Variants in RGS7 observed in about 807,000 individuals in gnomAD.
RGS7 encodes the protein regulator of G protein signaling 7, also known as regulator of G-protein signaling 7.
A neutral mutation model predicts 81.1 loss-of-function variants in RGS7; 27 were observed. That is an observed-to-expected ratio of 0.33 (90% CI 0.25 to 0.46). RGS7 has a LOEUF of 0.46. RGS7 is among the 20% of genes least tolerant of loss of function. RGS7 has a pLI of 1.00. For synonymous variants in RGS7, 208 were observed against 207.7 expected, an observed-to-expected ratio of 1.00 and a Z score of -0.01; for missense variants, 396 against 607.4, an observed-to-expected ratio of 0.65 and a Z score of 3.66.
chr1:241,183,581 T>G (rs2071824944), intron 2 of RGS7, among the ~76,000 whole-genome samples: 1 of 152,190 alleles, frequency 6.6e-6, no homozygotes, highest in African/African-American at 2.4e-5. Flanking sequence ...AAGTCTCCTG[T>G]GCGGAAAAGT....
chr1:240,802,846 C>G, intron 16 of RGS7, 58 bp downstream of exon 16: 1 of 1,111,294 alleles, frequency 9.0e-7, no homozygotes, highest in Non-Finnish European at 1.4e-6. Context: ...GGTAATTACT[C>G]CAAATAATTA....
chr1:241,055,655 C>T (rs192692133), intron 3 of RGS7, among the ~76,000 whole-genome samples: 86 of 152,344 alleles, frequency 5.6e-4, no homozygotes, highest in African/African-American at 2.0e-3. Flanking sequence ...CCAGAAACCT[C>T]TGCATATTCA....
At chr1:241,235,562 TC>T (rs984237502) in intron 2 of RGS7, among the ~76,000 whole-genome samples, 2 of 152,146 alleles carry the variant, frequency 1.3e-5, no homozygotes, top group African/African-American at 4.8e-5. Flanking sequence ...GTAGAATGCT[TC>T]TTTTTCTTTT....
chr1:241,273,997 T>A (rs1436096270), intron 2 of RGS7, among the ~76,000 whole-genome samples: 1 of 152,216 alleles, frequency 6.6e-6, no homozygotes, highest in Non-Finnish European at 1.5e-5. Flanking sequence ...TCTTCTCCTA[T>A]TAGTCCACCA....
chr1:240,964,748 A>G lies in RGS7; in HGVS notation c.226+18331T>C, dbSNP rs1682013512. 2.0e-5 allele frequency among the ~76,000 whole-genome samples: 3 copies of G among 152,272 alleles called. No individual in the cohort carries two copies. The South Asian group carries it at 6.2e-4, about 32-fold the overall frequency. On this transcript the variant is annotated intron_variant, in intron 4 of 18. Coordinates refer to ENST00000440928, the MANE Select transcript of RGS7 (RefSeq NM_001364886.1). ...TTTATCACCCTATCATATTGCAGAG[A>G]TTTTTTACCTTGTGACCAACCAAAA...
In RGS7 at chr1:241,284,596, C is replaced by T. The variant is rs970971954; in HGVS notation, c.78+71103G>A. On this transcript the variant is annotated intron_variant, in intron 2 of 18. Transcript: ENST00000440928. ...CAGGTGGAGATTCAAGTCCAGCTAT[C>T]CACATGGTCTCTACTGACATTGTGG... is the stretch of plus-strand genomic sequence containing the variant. Among the ~76,000 whole-genome samples, 10 of 152,296 alleles carry T rather than the reference C, an allele frequency of 6.6e-5. No homozygotes were observed. In the Middle Eastern group the frequency reaches 0.01, roughly 155 times the overall value.
chr1:241,051,241 C>G (rs1411492181), intron 3 of RGS7, among the ~76,000 whole-genome samples: 1 of 152,112 alleles, frequency 6.6e-6, no homozygotes, highest in Non-Finnish European at 1.5e-5. Context: ...CTGTCTGAAA[C>G]CTTAATTCTG....
At position 241,221,075 on chromosome 1, in the gene RGS7, GGA is replaced by G. The variant is rs1558204232; in HGVS notation, c.79-122315_79-122314del. On this transcript the variant is annotated intron_variant, in intron 2 of 18. Transcript: ENST00000440928. Reference sequence around the variant, plus strand: ...AGAAAGAAAGAGAGAGAGAGAGAAAGGAAGGAAGGAAGGAAGAAAGGAAGGAA... The same window carrying G: ...AGAAAGAAAGAGAGAGAGAGAGAAAGAGGAAGGAAGGAAGAAAGGAAGGAA... 3.0e-5 allele frequency among the ~76,000 whole-genome samples: 4 copies of G among 132,378 alleles called. 1 individual carries two copies. The highest frequency in any genetic ancestry group is 4.8e-4 in the East Asian group (2 of 4,124). The allele number at this position is 132,378 out of a possible 152,430, so 86.8% of individuals were successfully genotyped here.
chr1:241,012,626 C>T (rs1436193674), intron 3 of RGS7, among the ~76,000 whole-genome samples: 1 of 152,178 alleles, frequency 6.6e-6, no homozygotes, highest in Non-Finnish European at 1.5e-5. Context: ...AAATATACTT[C>T]TTTGGCATAT....
At chr1:241,154,854 T>C (rs1289845124) in intron 2 of RGS7, among the ~76,000 whole-genome samples, 1 of 152,004 alleles carries the variant, frequency 6.6e-6, no homozygotes, top group African/African-American at 2.4e-5. Flanking sequence ...AATGCTCACG[T>C]CTAGGGCTTA....
At position 240,816,297 on chromosome 1, in the gene RGS7, C is replaced by T; in HGVS notation, c.783+20G>A. The stretch of plus-strand genomic sequence containing the variant: ...GTTACTCTGTAAACCTTTAACAGGT[C>T]ATCTCATAGGTTGACTCACCTGTTG... On this transcript the variant is annotated intron_variant, in intron 11 of 18. Coordinates refer to ENST00000440928, the MANE Select transcript of RGS7 (RefSeq NM_001364886.1). The T allele has an allele frequency of 6.7e-7, 1 of 1,486,366 alleles. No individual in the cohort carries two copies. Among genetic ancestry groups the T allele is most frequent in the Non-Finnish European group, 9.4e-7 (1 of 1,063,432 alleles). 92.1% of individuals were successfully genotyped at this position (1,486,366 alleles called of 1,614,324 possible).
chr1:241,099,331 ATGCACATACACTCATGCATG>A (rs965914189), intron 2 of RGS7, among the ~76,000 whole-genome samples: 1 of 140,542 alleles, frequency 7.1e-6, no homozygotes, highest in African/African-American at 2.8e-5. Context: ...ACACACTCTC[ATGCACATACACTCATGCATG>A]TGCACATACA....
chr1:240,867,457 T>C (rs903385736), intron 9 of RGS7, among the ~76,000 whole-genome samples: 1 of 152,214 alleles, frequency 6.6e-6, no homozygotes, highest in African/African-American at 2.4e-5. Flanking sequence ...GAAGGAAATA[T>C]ACGAGGTTGT....
intron 3 of RGS7, among the ~76,000 whole-genome samples, chr1:241,011,864 T>C (rs1375017479): frequency 2.6e-5 from 4 of 152,150 alleles, no homozygotes; most frequent in Non-Finnish European, 5.9e-5. Flanking sequence ...TATATATATC[T>C]ATCTATAAAC....
In RGS7 at chr1:241,355,840, G is replaced by A; in HGVS notation, c.-50-14C>T. On this transcript the variant is annotated splice_polypyrimidine_tract_variant and intron_variant, in intron 1 of 18. Coordinates refer to ENST00000440928, the MANE Select transcript of RGS7 (RefSeq NM_001364886.1). ...TATCAGTGTGCCCTGCAAAGGGTCA[G>A]AGAGACTTCAGTGAGATCCCAGTGG... The A allele has an allele frequency of 1.4e-6, 2 of 1,392,156 alleles. No individual in the cohort carries two copies. The highest frequency in any genetic ancestry group is 2.0e-6 in the Non-Finnish European group (2 of 977,646). 86.2% of individuals were successfully genotyped at this position (1,392,156 alleles called of 1,614,324 possible).
intron 3 of RGS7, among the ~76,000 whole-genome samples, chr1:241,004,051 T>C (rs1255923160): frequency 6.6e-6 from 1 of 152,196 alleles, no homozygotes; most frequent in African/African-American, 2.4e-5. Flanking sequence ...CATTTAGGAC[T>C]CTGCTGGGCA....
At chr1:241,110,618 C>T (rs2065443755) in intron 2 of RGS7, among the ~76,000 whole-genome samples, 1 of 143,460 alleles carries the variant, frequency 7.0e-6, no homozygotes, top group South Asian at 2.3e-4. Context: ...CTGAGTTTGC[C>T]ATTTTATTTT....
At chr1:241,330,731 A>T (rs548312456) in intron 2 of RGS7, among the ~76,000 whole-genome samples, 1 of 152,302 alleles carries the variant, frequency 6.6e-6, no homozygotes, top group South Asian at 2.1e-4. Context: ...CTTCCACACC[A>T]CACAGCAAAA....
chr1:241,190,773 T>C lies in RGS7; in HGVS notation c.79-92011A>G, dbSNP rs189102382. Among the ~76,000 whole-genome samples, 49 of 152,288 alleles carry C rather than the reference T, an allele frequency of 3.2e-4. No homozygotes were observed. The East Asian group carries it at 8.9e-3, about 28-fold the overall frequency. ...ATTCCATCTGAAAATGGTGACTGTT[T>C]TTTTTCCTTCCTGGTTTGTATGCCT... On this transcript the variant is annotated intron_variant, in intron 2 of 18. Transcript: ENST00000440928.
Sources: gnomAD v4.1 joint callset for allele counts (sites outside exome capture counted in the v4.1 genomes callset) on GRCh38, gnomAD v4.1.1 for gene constraint, MANE v1.5 for transcripts, NCBI Gene and HGNC (gene_info 2026-07-23, HGNC 2026-07-21) for gene names.